RBFOX1: variants seen among roughly 807,000 people sequenced by gnomAD.
RBFOX1 encodes RNA binding fox-1 homolog 1.
Under a neutral mutation model 57.7 loss-of-function variants are expected in RBFOX1, and 8 were observed. The ratio of observed to expected loss-of-function variants is 0.14; its 90% CI spans 0.08 to 0.25. The LOEUF is 0.25. Among genes scored for constraint, RBFOX1 ranks in the 10% least tolerant of loss-of-function variants. RBFOX1 has a pLI of 1.00. For synonymous variants in RBFOX1, 326 were observed against 222.4 expected (o/e 1.47, Z -4.15); for missense variants, 611 against 548.5 (o/e 1.11, Z -1.14).
intron 1 of RBFOX1, among the ~76,000 whole-genome samples, chr16:5,312,097 C>T (rs780341767): frequency 3.9e-5 from 6 of 152,122 alleles, no homozygotes; most frequent in South Asian, 2.1e-4. Context: ...TGCAAAGGGT[C>T]GGTTTGCTAT....
chr16:5,602,797 T>C (rs1030067122), downstream of RBFOX1, among the ~76,000 whole-genome samples: 6 of 152,124 alleles, frequency 3.9e-5, no homozygotes, highest in Non-Finnish European at 7.4e-5. Context: ...GTAGTAGTAA[T>C]AGTAGTAATA....
chr16:6,855,853 C>CCCTGTTTCCCTT (rs142108703), intron 3 of RBFOX1, among the ~76,000 whole-genome samples: 33,782 of 148,638 alleles, frequency 0.23, 4,748 homozygotes, highest in Admixed American at 0.36. Flanking sequence ...CTCTTTCCCT[C>CCCTGTTTCCCTT]CCTTCCTTTC....
chr16:6,937,273 C>T (rs529823742), intron 3 of RBFOX1, among the ~76,000 whole-genome samples: 2 of 152,142 alleles, frequency 1.3e-5, no homozygotes, highest in Admixed American at 1.3e-4. Context: ...TGCCAACTCA[C>T]GACCAACACT....
At chr16:6,911,155 T>C (rs1320750737) in intron 3 of RBFOX1, among the ~76,000 whole-genome samples, 2 of 150,466 alleles carry the variant, frequency 1.3e-5, no homozygotes, top group Non-Finnish European at 2.9e-5. Flanking sequence ...GAGCCGATAA[T>C]CGCACCATTG....
At chr16:6,552,495 C>G (rs891432910) in intron 2 of RBFOX1, among the ~76,000 whole-genome samples, 8 of 152,116 alleles carry the variant, frequency 5.3e-5, no homozygotes, top group African/African-American at 1.2e-4. Flanking sequence ...GCAAAGTATT[C>G]AGATGTTTGC....
upstream of RBFOX1, among the ~76,000 whole-genome samples, chr16:6,017,597 T>C (rs897286343): frequency 2.6e-5 from 4 of 152,224 alleles, no homozygotes; most frequent in Non-Finnish European, 5.9e-5. Context: ...TCAACCCAAA[T>C]TGCAAAATCG....
chr16:6,249,195 G>A (rs112869542), intron 1 of RBFOX1, among the ~76,000 whole-genome samples: 5 of 152,204 alleles, frequency 3.3e-5, no homozygotes, highest in African/African-American at 1.2e-4. Context: ...GACCAGCTAT[G>A]GGACCAACAC....
At chr16:6,007,953 C>T (rs1024314082) in intron 4 of RBFOX1, among the ~76,000 whole-genome samples, 2 of 152,144 alleles carry the variant, frequency 1.3e-5, no homozygotes, top group African/African-American at 4.8e-5. Context: ...TGGCTCACAT[C>T]TGTAATCCCA....
chr16:7,258,960 C>T (rs966454053), intron 4 of RBFOX1, among the ~76,000 whole-genome samples: 1 of 152,194 alleles, frequency 6.6e-6, no homozygotes, highest in Non-Finnish European at 1.5e-5. Context: ...TCCTGTTTCA[C>T]CTATGACATA....
intron 4 of RBFOX1, among the ~76,000 whole-genome samples, chr16:5,929,168 C>T (rs1363257595): frequency 1.3e-5 from 2 of 151,956 alleles, no homozygotes; most frequent in South Asian, 2.1e-4. Context: ...GGGAAGCGGA[C>T]AGGGAAGGGG....
intron 4 of RBFOX1, among the ~76,000 whole-genome samples, chr16:7,442,376 A>C (rs2098774946): frequency 6.6e-6 from 1 of 152,124 alleles, no homozygotes; most frequent in Non-Finnish European, 1.5e-5. Context: ...CATTTTTGGC[A>C]GACGTAAGGA....
intron 3 of RBFOX1, among the ~76,000 whole-genome samples, chr16:6,924,388 C>T (rs991750064): frequency 6.6e-6 from 1 of 151,834 alleles, no homozygotes; most frequent in African/African-American, 2.4e-5. Context: ...GAGGTGCCAG[C>T]CTCCTTTAAA....
chr16:7,392,588 C>T (rs888963060), intron 4 of RBFOX1, among the ~76,000 whole-genome samples: 4 of 152,132 alleles, frequency 2.6e-5, no homozygotes, highest in African/African-American at 9.7e-5. Flanking sequence ...TTTGTGATGG[C>T]CCCTCCTTCT....
At chr16:5,631,719 A>C (rs747421666) in intron 3 of RBFOX1, among the ~76,000 whole-genome samples, 2 of 151,996 alleles carry the variant, frequency 1.3e-5, no homozygotes, top group African/African-American at 2.4e-5. Context: ...TTTTGTACTT[A>C]GTATTGAGTT....
intron 1 of RBFOX1, among the ~76,000 whole-genome samples, chr16:6,167,272 C>T (rs1229403971): frequency 6.6e-6 from 1 of 152,200 alleles, no homozygotes; most frequent in Non-Finnish European, 1.5e-5. Flanking sequence ...GATAATCTTT[C>T]TTACCTTTCC....
intron 1 of RBFOX1, among the ~76,000 whole-genome samples, chr16:6,123,759 G>C (rs1429832958): frequency 6.6e-6 from 1 of 152,070 alleles, no homozygotes; most frequent in African/African-American, 2.4e-5. Context: ...ACAAAAATTA[G>C]CCCGGCATGT....
intron 3 of RBFOX1, among the ~76,000 whole-genome samples, chr16:7,012,099 A>C (rs1328512232): frequency 6.6e-6 from 1 of 152,114 alleles, no homozygotes; most frequent in Non-Finnish European, 1.5e-5. Flanking sequence ...CACCAATGAG[A>C]AACAGCTTCA....
intron 1 of RBFOX1, among the ~76,000 whole-genome samples, chr16:6,079,150 A>G (rs116055834): frequency 0.086 from 4,272 of 49,444 alleles, 108 homozygotes; most frequent in African/African-American, 0.29. Context: ...CTCTACTGAA[A>G]ATAAAGAAAA....
intron 3 of RBFOX1, among the ~76,000 whole-genome samples, chr16:6,777,874 G>A (rs867479792): frequency 2.0e-5 from 3 of 152,232 alleles, no homozygotes; most frequent in Middle Eastern, 6.8e-3. Flanking sequence ...TGTCAGAGCT[G>A]CCCAAAGCTG....
Sources: gnomAD v4.1 joint callset for allele counts (sites outside exome capture counted in the v4.1 genomes callset) on GRCh38, gnomAD v4.1.1 for gene constraint, MANE v1.5 for transcripts, NCBI Gene and HGNC (gene_info 2026-07-23, HGNC 2026-07-21) for gene names.